Variants in WDR49 observed in about 807,000 individuals in gnomAD.
WDR49 encodes cilia- and flagella-associated protein 337.
WDR49 carries 107 observed loss-of-function variants against 119.5 expected under a neutral mutation model. The ratio of observed to expected loss-of-function variants is 0.90; its 90% CI spans 0.77 to 1.05. WDR49 has a LOEUF of 1.05. WDR49 is among the 50% of genes least tolerant of loss of function. WDR49 has a pLI of 0.00. For missense variants in WDR49, 1,240 were observed against 1,220.5 expected, an observed-to-expected ratio of 1.02 and a Z score of -0.24; for synonymous variants, 425 against 418.8, an observed-to-expected ratio of 1.01 and a Z score of -0.18.
intron 16 of WDR49, among the ~76,000 whole-genome samples, chr3:167,506,991 C>T (rs1179293766): frequency 6.6e-6 from 1 of 152,092 alleles, no homozygotes; most frequent in East Asian, 1.9e-4. Flanking sequence ...ACCAAGGGTG[C>T]ATGCTATCAA....
At chr3:167,619,516 CT>C (rs2108320405) in intron 5 of WDR49, among the ~76,000 whole-genome samples, 1 of 152,178 alleles carries the variant, frequency 6.6e-6, no homozygotes, top group South Asian at 2.1e-4. Flanking sequence ...ATAGGAAATT[CT>C]TACTGTGGGC....
chr3:167,556,007 G>A (rs116461739), intron 9 of WDR49, among the ~76,000 whole-genome samples: 3,875 of 152,200 alleles, frequency 0.025, 150 homozygotes, highest in African/African-American at 0.086. Context: ...AAGTATTTGC[G>A]TATCTAAACA....
chr3:167,500,168 G>A lies in WDR49; in HGVS notation c.3016C>T (p.Pro1006Ser). The change falls in exon 18 of 19, where the codon CCG becomes TCG. Residue 1006 changes from proline (P) to serine (S), a missense_variant. Pro to Ser is a moderately conservative substitution (Grantham distance 74). Coordinates refer to ENST00000682715, the MANE Select transcript of WDR49 (RefSeq NM_001366157.1). ...EEERPQILEA[P>S]SLFKTLKAVF... Reference sequence around the variant, plus strand: ...GAGAACTTACTTTTAAAAAGTGACGGGGCCTCCAGAATTTGGGGACGCTCT... The same window carrying A: ...GAGAACTTACTTTTAAAAAGTGACGAGGCCTCCAGAATTTGGGGACGCTCT... The A allele has an allele frequency of 1.9e-6, 3 of 1,570,256 alleles. No homozygotes were observed. The highest frequency in any genetic ancestry group is 1.4e-5 in the African/African-American group (1 of 71,082).
intron 7 of WDR49, among the ~76,000 whole-genome samples, chr3:167,597,618 A>C (rs943264951): frequency 3.3e-5 from 5 of 152,136 alleles, no homozygotes; most frequent in Admixed American, 3.3e-4. Context: ...AGCCACAAGG[A>C]TGGTACCCTG....
intron 18 of WDR49, 133 bp downstream of exon 18, chr3:167,500,020 A>G: frequency 2.9e-6 from 3 of 1,017,618 alleles, no homozygotes; most frequent in South Asian, 4.6e-5. Context: ...AAATCTTAAC[A>G]GTCAAACCAC....
intron 5 of WDR49, among the ~76,000 whole-genome samples, chr3:167,610,052 G>A (rs1332860006): frequency 6.6e-6 from 1 of 150,826 alleles, no homozygotes; most frequent in Non-Finnish European, 1.5e-5. Flanking sequence ...ATTATATCAA[G>A]GGTCTTGGAT....
intron 5 of WDR49, among the ~76,000 whole-genome samples, chr3:167,612,550 G>A (rs1164354186): frequency 6.6e-6 from 1 of 151,650 alleles, no homozygotes; most frequent in South Asian, 2.1e-4. Context: ...TTTTGGACAA[G>A]TTAAAAGGAC....
chr3:167,542,586 T>C (rs1207139130), intron 10 of WDR49, among the ~76,000 whole-genome samples: 1 of 152,100 alleles, frequency 6.6e-6, no homozygotes, highest in Admixed American at 6.6e-5. Flanking sequence ...TTCTTTGAAC[T>C]GAACAATAAT....
chr3:167,636,368 T>C (rs1717621532), intron 2 of WDR49, among the ~76,000 whole-genome samples: 1 of 151,680 alleles, frequency 6.6e-6, no homozygotes, highest in Non-Finnish European at 1.5e-5. Context: ...TATATATATA[T>C]ACCACAGTTT....
At chr3:167,551,234 A>G (rs1486551556) in intron 10 of WDR49, among the ~76,000 whole-genome samples, 1 of 151,982 alleles carries the variant, frequency 6.6e-6, no homozygotes, top group African/African-American at 2.4e-5. Context: ...AAACAAGTGG[A>G]TGCCCTTGAA....
Position 167,536,886 on chromosome 3 carries a change from T to C in WDR49, c.1938A>G (p.Pro646=), listed in dbSNP as rs1435584304. ...TCAATTTACCCGTAACAAGAGTTTG[T>C]GGAGGTAAAAACGCAGCACACAAGA... ...DDILCAAFLP[P]QTLVTGSYDG... Residue 646 remains proline, a synonymous_variant, in exon 11 of 19, where the codon CCA becomes CCG. Coordinates refer to ENST00000682715, the MANE Select transcript of WDR49 (RefSeq NM_001366157.1). 19 of 1,516,528 alleles carry C rather than the reference T, an allele frequency of 1.3e-5. No homozygotes were observed. The highest frequency in any genetic ancestry group is 1.7e-5 in the Non-Finnish European group (19 of 1,131,704). 93.9% of individuals were successfully genotyped at this position (1,516,528 alleles called of 1,614,324 possible).
At chr3:167,555,766 AT>A (rs149499020) in intron 9 of WDR49, among the ~76,000 whole-genome samples, 1 of 152,002 alleles carries the variant, frequency 6.6e-6, no homozygotes, top group Admixed American at 6.5e-5. Context: ...GGAGAAACTG[AT>A]TTTTTTCCTA....
At chr3:167,530,969 C>T (rs1279668445) in intron 13 of WDR49, 146 bp downstream of exon 13, 3 of 776,232 alleles carry the variant, frequency 3.9e-6, no homozygotes, top group African/African-American at 1.8e-5. Flanking sequence ...TTCCAACTTC[C>T]TTTGCCATGG....
intron 14 of WDR49, 75 bp from the exon 15 acceptor site, chr3:167,528,092 A>G: frequency 1.5e-6 from 2 of 1,308,720 alleles, no homozygotes; most frequent in Non-Finnish European, 1.1e-6. Flanking sequence ...ACTTTTAAAA[A>G]AAGGCCGATT....
chr3:167,633,976 T>C (rs1288926821), intron 2 of WDR49, among the ~76,000 whole-genome samples: 1 of 152,002 alleles, frequency 6.6e-6, no homozygotes, highest in Non-Finnish European at 1.5e-5. Flanking sequence ...ACTGGGAATT[T>C]CGGAAATTTT....
At chr3:167,553,012 G>T (rs1215222680) in intron 10 of WDR49, among the ~76,000 whole-genome samples, 3 of 151,928 alleles carry the variant, frequency 2.0e-5, no homozygotes, top group African/African-American at 7.2e-5. Context: ...TAAGGAGTTG[G>T]CTTAACGGTC....
At chr3:167,517,554 A>G (rs1752261922) in intron 16 of WDR49, among the ~76,000 whole-genome samples, 1 of 152,164 alleles carries the variant, frequency 6.6e-6, no homozygotes, top group Non-Finnish European at 1.5e-5. Flanking sequence ...GTAAAACCCA[A>G]AGCTATAAAA....
chr3:167,645,417 C>G (rs1412890369), intron 2 of WDR49, among the ~76,000 whole-genome samples: 11 of 151,984 alleles, frequency 7.2e-5, no homozygotes, highest in Admixed American at 7.2e-4. Context: ...ACCATGTTGG[C>G]CAAGCTAGTC....
intron 7 of WDR49, 46 bp from the exon 8 acceptor site, chr3:167,576,197 G>T: frequency 6.5e-7 from 1 of 1,548,890 alleles, no homozygotes; most frequent in South Asian, 1.2e-5. Context: ...AAAGATAATT[G>T]TAATCTTTTA....
Sources: allele counts gnomAD v4.1 joint callset (sites outside exome capture counted in the v4.1 genomes callset), GRCh38; gene constraint gnomAD v4.1.1; transcripts MANE v1.5; gene names NCBI Gene and HGNC (gene_info 2026-07-23, HGNC 2026-07-21).